Variants in FPR3 observed in about 807,000 individuals in gnomAD.
FPR3 encodes N-formyl peptide receptor 3.
For missense variants in FPR3, 346 were observed against 443.2 expected (o/e 0.78, Z 1.97); for synonymous variants, 135 against 163.6 (o/e 0.83, Z 1.34).
intron 1 of FPR3, among the ~76,000 whole-genome samples, chr19:51,801,006 C>G (rs1051492675): frequency 6.6e-6 from 1 of 152,142 alleles, no homozygotes; most frequent in African/African-American, 2.4e-5. Flanking sequence ...GGGCCCTTTT[C>G]CTCCTTCCCC....
chr19:51,809,326 G>T (rs1366266985), intron 1 of FPR3, among the ~76,000 whole-genome samples: 1 of 152,172 alleles, frequency 6.6e-6, no homozygotes, highest in Non-Finnish European at 1.5e-5. Context: ...GAAGTTAATT[G>T]CAAGGGCCAG....
Position 51,795,765 on chromosome 19 carries a change from G to A in FPR3, c.-11+434G>A, listed in dbSNP as rs146968245. ...CCTGACCTCGTGATCTGCCCACCTCGGCCTCCCAAAGTGCTGGGATTACAG... is the reference window on the plus strand; with the variant it reads ...CCTGACCTCGTGATCTGCCCACCTCAGCCTCCCAAAGTGCTGGGATTACAG... On this transcript the variant is annotated intron_variant, in intron 1 of 1. Transcript: ENST00000339223. Among the ~76,000 whole-genome samples the A allele has an allele frequency of 7.1e-3, 1,080 of 151,752 alleles. 11 individuals carry two copies. Among genetic ancestry groups the A allele is most frequent in the African/African-American group, 0.025 (1,027 of 41,390 alleles).
intron 1 of FPR3, among the ~76,000 whole-genome samples, chr19:51,816,389 T>C (rs773554385): frequency 2.0e-5 from 3 of 152,160 alleles, no homozygotes; most frequent in South Asian, 2.1e-4. Context: ...CTGGAATTAC[T>C]GGCATGTGCC....
chr19:51,801,145 G>GA (rs2084024823), intron 1 of FPR3, among the ~76,000 whole-genome samples: 1 of 141,724 alleles, frequency 7.1e-6, no homozygotes, highest in Non-Finnish European at 1.6e-5. Flanking sequence ...ACAAGTCCAA[G>GA]AAAAAAGACA....
rs1032417115 is a variant in FPR3 at position 51,822,602 on chromosome 19, TACAA to T, written c.-10-1132_-10-1129del. On this transcript the variant is annotated intron_variant, in intron 1 of 1. Transcript: ENST00000339223. Reference sequence around the variant, plus strand: ...AACATTGAGTCATTCCTGTGGAAACTACAAACAATGAATATTACAGAGCTACTAT... The same window carrying T: ...AACATTGAGTCATTCCTGTGGAAACTACAATGAATATTACAGAGCTACTAT... 4.6e-5 allele frequency among the ~76,000 whole-genome samples: 7 copies of T among 152,330 alleles called. No homozygotes were observed. The East Asian group carries it at 5.8e-4, about 13-fold the overall frequency.
chr19:51,807,766 C>T (rs2084069854), intron 1 of FPR3, among the ~76,000 whole-genome samples: 1 of 152,228 alleles, frequency 6.6e-6, no homozygotes, highest in Admixed American at 6.5e-5. Flanking sequence ...TCTGCGAAAG[C>T]AGTTTGCCAG....
intron 1 of FPR3, among the ~76,000 whole-genome samples, chr19:51,806,140 G>A (rs1046857252): frequency 2.0e-5 from 3 of 152,134 alleles, no homozygotes; most frequent in Non-Finnish European, 4.4e-5. Flanking sequence ...AGACTGTGTC[G>A]TGACTCCAGT....
At chr19:51,823,598 C>T in intron 1 of FPR3, 141 bp from the exon 2 acceptor site, 1 of 664,052 alleles carries the variant, frequency 1.5e-6, no homozygotes, top group Non-Finnish European at 2.5e-6. Flanking sequence ...CGAGAGAGTG[C>T]CAATTTTATG....
At chr19:51,801,919 C>T (rs1334911471) in intron 1 of FPR3, among the ~76,000 whole-genome samples, 1 of 152,024 alleles carries the variant, frequency 6.6e-6, no homozygotes, top group Non-Finnish European at 1.5e-5. Context: ...CCTAAATTTC[C>T]CAGTCATACA....
chr19:51,813,868 G>A (rs1022861192), intron 1 of FPR3, among the ~76,000 whole-genome samples: 1 of 152,178 alleles, frequency 6.6e-6, no homozygotes, highest in African/African-American at 2.4e-5. Context: ...AGACAGGCAT[G>A]TGAATGAAGC....
chr19:51,801,735 T>C (rs1308476153), intron 1 of FPR3, among the ~76,000 whole-genome samples: 3 of 152,220 alleles, frequency 2.0e-5, no homozygotes, highest in African/African-American at 7.2e-5. Flanking sequence ...GAGCCGAGAT[T>C]GTGCTACTGC....
intron 1 of FPR3, among the ~76,000 whole-genome samples, chr19:51,801,493 A>G (rs1315379236): frequency 6.6e-6 from 1 of 152,220 alleles, no homozygotes; most frequent in East Asian, 1.9e-4. Context: ...AACTTCTAAC[A>G]TTAGCGGCCG....
chr19:51,820,963 G>C (rs17695224), intron 1 of FPR3, among the ~76,000 whole-genome samples: 1 of 152,100 alleles, frequency 6.6e-6, no homozygotes, highest in Non-Finnish European at 1.5e-5. Flanking sequence ...TGGCATGTGA[G>C]TAATGTTCAT....
At position 51,795,504 on chromosome 19, in the gene FPR3, C is replaced by CTT. The variant is rs58620565; in HGVS notation, c.-11+201_-11+202dup. 2.5e-3 allele frequency among the ~76,000 whole-genome samples: 186 copies of CTT among 74,724 alleles called. 37 individuals are homozygous for CTT. Among genetic ancestry groups the CTT allele is most frequent in the African/African-American group, 6.5e-3 (104 of 16,064 alleles). 49.0% of individuals were successfully genotyped at this position (74,724 alleles called of 152,430 possible). ...TTTGGTTACATGTTCCAGTAACATT[C>CTT]TTTTTTTTTTTTTTTTTTTTTTTTT... On this transcript the variant is annotated intron_variant, in intron 1 of 1. Transcript: ENST00000339223.
chr19:51,806,329 C>A (rs2084058499), intron 1 of FPR3, among the ~76,000 whole-genome samples: 1 of 152,206 alleles, frequency 6.6e-6, no homozygotes. Context: ...ACCCTCTTCC[C>A]CATGTCAGTA....
In FPR3 at chr19:51,824,482, C is replaced by A; in HGVS notation, c.734C>A (p.Ala245Asp). The change falls in exon 2 of 2, where the codon GCT (alanine) becomes GAT (aspartate). Residue 245 changes from alanine to aspartate, a missense_variant. Physicochemically the swap from Ala to Asp is moderately radical, Grantham distance 126. Coordinates refer to ENST00000339223, the MANE Select transcript of FPR3 (RefSeq NM_002030.5). The surrounding 1 kb of genome is among the most constrained non-coding windows in gnomAD (Gnocchi z 4.7). ...AGCCGTCCCTTACGTGTCTTCGCTG[C>A]TGTGGTGGCTTCTTTCTTCATCTGT... ...KSSRPLRVFAAVVASFFICWF... is the reference protein window; with the variant it reads ...KSSRPLRVFADVVASFFICWF... 6.2e-7 allele frequency: 1 copy of A among 1,614,064 alleles called. No homozygotes were observed. Among genetic ancestry groups the A allele is most frequent in the Non-Finnish European group, 8.5e-7 (1 of 1,180,004 alleles).
Position 51,824,257 on chromosome 19 carries a change from C to T in FPR3, c.509C>T (p.Thr170Met), listed in dbSNP as rs148096409. The T allele has an allele frequency of 4.1e-4, 656 of 1,614,036 alleles. No individual in the cohort carries two copies. Among genetic ancestry groups the T allele is most frequent in the Non-Finnish European group, 5.2e-4 (616 of 1,180,022 alleles). ...ATCTTCTGGACTACAATAAGTACTA[C>T]GAATGGGGACACATACTGTATTTTC... ...NFIFWTTIST[T>M]NGDTYCIFNF... The change falls in exon 2 of 2, where the codon ACG becomes ATG. Residue 170 changes from threonine to methionine, a missense_variant. By Grantham distance (81) the Thr-to-Met change is moderately conservative (BLOSUM62 -1). Transcript: ENST00000339223. This position sits in a 1 kb window ranked among gnomAD's most constrained non-coding sequence, Gnocchi z 4.7.
chr19:51,818,245 C>T lies in FPR3; in HGVS notation c.-10-5494C>T, dbSNP rs574070260. On this transcript the variant is annotated intron_variant, in intron 1 of 1. Transcript: ENST00000339223. ...ATGTATCTCATTAATAATTTTTATT[C>T]TGATTAAATGTTCCAATGATACCCT... 2.6e-5 allele frequency among the ~76,000 whole-genome samples: 4 copies of T among 152,250 alleles called. No individual in the cohort carries two copies. The South Asian group carries it at 8.3e-4, about 32-fold the overall frequency.
intron 1 of FPR3, among the ~76,000 whole-genome samples, chr19:51,795,745 C>T (rs2083994715): frequency 6.6e-6 from 1 of 151,932 alleles, no homozygotes; most frequent in Non-Finnish European, 1.5e-5. Context: ...CAACTCCTGA[C>T]CTCGTGATCT....
Sources: gnomAD v4.1 joint callset for allele counts (sites outside exome capture counted in the v4.1 genomes callset) on GRCh38, gnomAD v4.1.1 for gene constraint, Gnocchi (gnomAD v3.1) non-coding constraint, MANE v1.5 for transcripts, NCBI Gene and HGNC (gene_info 2026-07-23, HGNC 2026-07-21) for gene names.